Variants in C12orf42 observed in about 807,000 individuals in gnomAD.
C12orf42 encodes uncharacterized protein C12orf42.
A neutral mutation model predicts 21.6 loss-of-function variants in C12orf42; 25 were observed. The observed-to-expected ratio is 1.16, with a 90% CI of 0.84 to 1.62. The LOEUF (loss-of-function observed/expected upper bound fraction) is 1.62. Ranked by LOEUF, C12orf42 falls within the 40% of genes most tolerant of loss-of-function variation. C12orf42 has a pLI of 0.00. For synonymous variants in C12orf42, 174 were observed against 175.0 expected (o/e 0.99, Z 0.05); for missense variants, 483 against 459.3 (o/e 1.05, Z -0.47).
intron 3 of C12orf42, among the ~76,000 whole-genome samples, chr12:103,391,983 A>C (rs1359389496): frequency 6.6e-6 from 1 of 152,134 alleles, no homozygotes; most frequent in East Asian, 1.9e-4. Context: ...TCTTTGATCT[A>C]TATTGAGTTA....
At chr12:103,365,820 T>A (rs368272081) in intron 4 of C12orf42, among the ~76,000 whole-genome samples, 2 of 152,032 alleles carry the variant, frequency 1.3e-5, no homozygotes, top group Non-Finnish European at 1.5e-5. Context: ...CTGAAAGAAA[T>A]TGTAGTTCAC....
chr12:103,324,802 C>A (rs903271160), intron 4 of C12orf42, among the ~76,000 whole-genome samples: 1 of 152,296 alleles, frequency 6.6e-6, no homozygotes, highest in East Asian at 1.9e-4. Flanking sequence ...GAAGAAAAAA[C>A]TGCAGTGGCA....
chr12:103,515,092 C>A, the C12orf42 span, among the ~76,000 whole-genome samples: 1 of 152,162 alleles, frequency 6.6e-6, no homozygotes, highest in South Asian at 2.1e-4. Flanking sequence ...AAGAATTATC[C>A]AGCTCCAACT....
chr12:103,180,587 C>T, the C12orf42 span, among the ~76,000 whole-genome samples: 106 of 149,608 alleles, frequency 7.1e-4, no homozygotes, highest in African/African-American at 2.6e-3. Context: ...ATGAGTAGAG[C>T]CCAGGAATCT....
the C12orf42 span, among the ~76,000 whole-genome samples, chr12:103,549,157 A>G: frequency 1.3e-5 from 2 of 152,184 alleles, no homozygotes; most frequent in Admixed American, 1.3e-4. Context: ...GAAGATCTAT[A>G]AGGTCTCACA....
At chr12:103,053,250 A>C in the C12orf42 span, among the ~76,000 whole-genome samples, 91 of 152,070 alleles carry the variant, frequency 6.0e-4, 1 homozygote, top group African/African-American at 2.1e-3. Flanking sequence ...ACTTTTATGC[A>C]GTTTTCCCCA....
chr12:103,462,789 C>T (rs1054152527), intron 2 of C12orf42, among the ~76,000 whole-genome samples: 1 of 152,120 alleles, frequency 6.6e-6, no homozygotes, highest in African/African-American at 2.4e-5. Context: ...ATGGTAGGGT[C>T]ATTGCTCTGA....
intron 4 of C12orf42, among the ~76,000 whole-genome samples, chr12:103,356,984 A>G (rs2043629832): frequency 6.6e-6 from 1 of 151,938 alleles, no homozygotes; most frequent in African/African-American, 2.4e-5. Flanking sequence ...TGATGAGTTC[A>G]TGTCCTTTGT....
chr12:103,435,586 G>C (rs1186418817), intron 2 of C12orf42, among the ~76,000 whole-genome samples: 2 of 152,100 alleles, frequency 1.3e-5, no homozygotes, highest in African/African-American at 2.4e-5. Context: ...ACCAAGGCTC[G>C]AGAACTACAT....
At chr12:103,249,269 C>T (rs1487987967) in intron 10 of C12orf42, among the ~76,000 whole-genome samples, 1 of 151,966 alleles carries the variant, frequency 6.6e-6, no homozygotes, top group Non-Finnish European at 1.5e-5. Flanking sequence ...CACAACAACC[C>T]TTGAAGTTAC....
chr12:103,189,787 T>C, the C12orf42 span, among the ~76,000 whole-genome samples: 2 of 152,190 alleles, frequency 1.3e-5, no homozygotes, highest in Non-Finnish European at 2.9e-5. Flanking sequence ...GCATCAGACC[T>C]GCCTGCCTAT....
At chr12:103,181,612 G>A in the C12orf42 span, among the ~76,000 whole-genome samples, 1 of 152,226 alleles carries the variant, frequency 6.6e-6, no homozygotes, top group East Asian at 1.9e-4. Context: ...GCAGACATCA[G>A]TTCTCATGGG....
the C12orf42 span, among the ~76,000 whole-genome samples, chr12:103,050,013 C>T: frequency 6.6e-6 from 1 of 152,238 alleles, no homozygotes; most frequent in African/African-American, 2.4e-5. Flanking sequence ...TCTGTTGCCC[C>T]CCGCTAAGCA....
chr12:103,319,568 A>T (rs560746722), intron 4 of C12orf42, among the ~76,000 whole-genome samples: 2 of 152,234 alleles, frequency 1.3e-5, no homozygotes, highest in Non-Finnish European at 2.9e-5. Flanking sequence ...AAAGCAACAC[A>T]CTGTGGAAAG....
Position 103,421,770 on chromosome 12 carries a change from T to G in C12orf42, c.79-20095A>C, listed in dbSNP as rs565058166. ...ATAATTCCCTCTAGGAACTGAGGAA[T>G]AAAGATCTGATGTCTGCACAAGTGT... On this transcript the variant is annotated intron_variant, in intron 2 of 5. Transcript: ENST00000548883. Among the ~76,000 whole-genome samples the G allele has an allele frequency of 7.2e-5, 11 of 152,290 alleles. No individual in the cohort carries two copies. The East Asian group carries it at 1.7e-3, about 24-fold the overall frequency.
At chr12:103,173,640 T>G in the C12orf42 span, among the ~76,000 whole-genome samples, 2 of 152,114 alleles carry the variant, frequency 1.3e-5, no homozygotes. Flanking sequence ...CTCCACTCCT[T>G]CTTCTTATAT....
At chr12:103,553,120 G>C in the C12orf42 span, among the ~76,000 whole-genome samples, 46 of 152,212 alleles carry the variant, frequency 3.0e-4, no homozygotes, top group African/African-American at 1.0e-3. Flanking sequence ...CGCGGGGGCT[G>C]TCCTGTGCAT....
the C12orf42 span, among the ~76,000 whole-genome samples, chr12:103,149,065 C>T: frequency 4.6e-5 from 7 of 152,026 alleles, no homozygotes; most frequent in Non-Finnish European, 7.4e-5. Flanking sequence ...GCCCACATAC[C>T]CAACTACTTG....
At chr12:103,331,325 T>A (rs973307516) in intron 4 of C12orf42, among the ~76,000 whole-genome samples, 1 of 152,140 alleles carries the variant, frequency 6.6e-6, no homozygotes, top group Admixed American at 6.5e-5. Context: ...CACCATAAAG[T>A]CAAAAAATTG....
Sources: allele counts gnomAD v4.1 joint callset (sites outside exome capture counted in the v4.1 genomes callset), GRCh38; gene constraint gnomAD v4.1.1; transcripts MANE v1.5; gene names NCBI Gene and HGNC (gene_info 2026-07-23, HGNC 2026-07-21).